MAPK8IP3: variants seen among roughly 807,000 people sequenced by gnomAD.
The protein encoded by MAPK8IP3 is mitogen-activated protein kinase 8 interacting protein 3, also known as C-Jun-amino-terminal kinase-interacting protein 3.
MAPK8IP3 carries 49 observed loss-of-function variants against 157.8 expected under a neutral mutation model. The observed-to-expected ratio is 0.31, with a 90% CI of 0.25 to 0.39. The LOEUF (loss-of-function observed/expected upper bound fraction) is 0.39. MAPK8IP3 is among the 10% of genes least tolerant of loss of function. The pLI is 1.00. For synonymous variants in MAPK8IP3, 897 were observed against 777.7 expected (o/e 1.15, Z -2.55); for missense variants, 1,478 against 1,889.4 (o/e 0.78, Z 4.04).
chr16:1,760,604 C>T, intron 12 of MAPK8IP3, 72 bp downstream of exon 12: 3 of 1,536,272 alleles, frequency 2.0e-6, no homozygotes, highest in Admixed American at 3.8e-5. Flanking sequence ...CTGCCTCCTC[C>T]AGTGCCTGCT....
rs2042254591 is a variant in MAPK8IP3, at chr16:1,766,264, TCCACAGA to T, written c.2675_2681del (p.Ser892TrpfsTer106). 1 of 1,612,160 alleles carries T rather than the reference TCCACAGA, an allele frequency of 6.2e-7. No homozygotes were observed. The highest frequency in any genetic ancestry group is 8.5e-7 in the Non-Finnish European group (1 of 1,179,824). On this transcript the variant is annotated frameshift_variant, in exon 22 of 32. Coordinates refer to ENST00000610761, the MANE Select transcript of MAPK8IP3 (RefSeq NM_001318852.2). LOFTEE classifies it high-confidence loss of function. Reference sequence around the variant, plus strand: ...CAACGGGAAGGTCAACCCGTCCCAGTCCACAGAGGAGGCCACAGAGGCCACGGAGGTG... The same window carrying T: ...CAACGGGAAGGTCAACCCGTCCCAGTGGAGGCCACAGAGGCCACGGAGGTG...
rs138638600 is a variant in MAPK8IP3 at position 1,752,442 on chromosome 16, C to T, written c.1216+3722C>T. The T allele has an allele frequency of 6.9e-4, 235 of 342,374 alleles. 4 individuals are homozygous for T. In the East Asian group the frequency reaches 0.017, roughly 25 times the overall value. The allele number at this position is 342,374 out of a possible 1,614,324, so 21.2% of individuals were successfully genotyped here. ...CCTTTCCAGAGCCTTAAACGTAATG[C>T]GTATAAGAAAGGCAGGGAGGCCAGG... is the stretch of plus-strand genomic sequence containing the variant. On this transcript the variant is annotated intron_variant, in intron 8 of 31. Coordinates refer to ENST00000610761, the MANE Select transcript of MAPK8IP3 (RefSeq NM_001318852.2).
Position 1,767,994 on chromosome 16 carries a change from G to A in MAPK8IP3, c.3524-75G>A. 9 of 1,609,196 alleles carry A rather than the reference G, an allele frequency of 5.6e-6. No individual in the cohort carries two copies. In the African/African-American group the frequency reaches 6.7e-5, roughly 12 times the overall value. On this transcript the variant is annotated intron_variant, in intron 28 of 31. Coordinates refer to ENST00000610761, the MANE Select transcript of MAPK8IP3 (RefSeq NM_001318852.2). ...TGGGTTCACGGGGTGGCTCTGCAGGGCCACCTTGGAGGGTGCCTTGCTGCC... is the reference window on the plus strand; with the variant it reads ...TGGGTTCACGGGGTGGCTCTGCAGGACCACCTTGGAGGGTGCCTTGCTGCC...
intron 1 of MAPK8IP3, among the ~76,000 whole-genome samples, chr16:1,720,768 C>A (rs900642850): frequency 6.6e-6 from 1 of 152,252 alleles, no homozygotes; most frequent in African/African-American, 2.4e-5. Context: ...GGTGCAGCGG[C>A]TCACGCCTGT....
rs770607897 is a variant in MAPK8IP3 at position 1,764,129 on chromosome 16, G to A, written c.2040G>A (p.Gly680=). The part of the protein sequence containing the change: ...PAKYKQLSPN[G]GQEDTRMKNV... ...GCTCCCTGCAGCTGAGTCCCAACGG[G>A]GGCCAGGAGGACACGCGGATGAAGA... Residue 680 remains glycine (G), a synonymous_variant, in exon 18 of 32, where the codon GGG becomes GGA. Transcript: ENST00000610761. 5.0e-6 allele frequency: 8 copies of A among 1,609,984 alleles called. No homozygotes were observed. The highest frequency in any genetic ancestry group is 5.9e-6 in the Non-Finnish European group (7 of 1,178,738).
At chr16:1,755,013 A>G (rs1378991726) in intron 8 of MAPK8IP3, among the ~76,000 whole-genome samples, 1 of 152,194 alleles carries the variant, frequency 6.6e-6, no homozygotes, top group Non-Finnish European at 1.5e-5. Flanking sequence ...CTGGAACTCT[A>G]TGAATGGATC....
At chr16:1,757,937 G>A (rs1469268140) in intron 8 of MAPK8IP3, among the ~76,000 whole-genome samples, 4 of 152,354 alleles carry the variant, frequency 2.6e-5, no homozygotes, top group Non-Finnish European at 4.4e-5. Context: ...GGACCACGGC[G>A]CCTGGGCCTG....
chr16:1,758,668 G>A (rs1307758152), intron 9 of MAPK8IP3, among the ~76,000 whole-genome samples: 1 of 152,242 alleles, frequency 6.6e-6, no homozygotes, highest in Non-Finnish European at 1.5e-5. Flanking sequence ...CCCCACAGGG[G>A]TGCCTTCTGC....
intron 1 of MAPK8IP3, chr16:1,713,853 A>G (rs2037956959): frequency 6.6e-6 from 1 of 152,134 alleles, no homozygotes; most frequent in Non-Finnish European, 1.5e-5. Flanking sequence ...TAAAGAGTAC[A>G]ATTTGATGAG....
chr16:1,730,044 CAAAAAAAAAAAAAAAAAA>C (rs58933347), intron 4 of MAPK8IP3, among the ~76,000 whole-genome samples: 1 of 46,982 alleles, frequency 2.1e-5, no homozygotes, highest in African/African-American at 6.2e-5. Flanking sequence ...CTTGTCTCTA[CAAAAAAAAAAAAAAAAAA>C]AAAAAAAAAA....
intron 4 of MAPK8IP3, among the ~76,000 whole-genome samples, chr16:1,735,805 G>A (rs2039702151): frequency 6.8e-6 from 1 of 146,108 alleles, no homozygotes; most frequent in Non-Finnish European, 1.5e-5. Flanking sequence ...GTGAGCATCT[G>A]TGTGACCATC....
rs758638580 is a variant in MAPK8IP3, at chr16:1,769,345, T to C, written c.*521T>C. On this transcript the variant is annotated 3_prime_UTR_variant, in exon 32 of 32. Transcript: ENST00000610761. ...GTGGGCCTCAGGCTGCCCAGGTGCC[T>C]GCACCCCAGCCGGCCTTCTCTGGGG... 3.8e-5 allele frequency: 6 copies of C among 159,368 alleles called. No homozygotes were observed. Among genetic ancestry groups the C allele is most frequent in the Non-Finnish European group, 5.5e-5 (4 of 72,350 alleles). 9.9% of individuals were successfully genotyped at this position (159,368 alleles called of 1,614,324 possible).
intron 12 of MAPK8IP3, among the ~76,000 whole-genome samples, chr16:1,761,012 A>G (rs904735385): frequency 6.6e-6 from 1 of 152,212 alleles, no homozygotes; most frequent in African/African-American, 2.4e-5. Context: ...CAGAGCACTC[A>G]TGCAGCAGTG....
intron 28 of MAPK8IP3, 46 bp downstream of exon 28, chr16:1,767,964 G>A (rs1344226753): frequency 6.2e-7 from 1 of 1,607,250 alleles, no homozygotes; most frequent in Non-Finnish European, 8.5e-7. Context: ...TGCCAGAGGT[G>A]TACGTGGGTT....
At chr16:1,763,989 C>T in intron 17 of MAPK8IP3, 126 bp from the exon 18 acceptor site, 2 of 1,103,698 alleles carry the variant, frequency 1.8e-6, no homozygotes, top group African/African-American at 3.1e-5. Flanking sequence ...GCTCCCACGC[C>T]CCCACCTGCC....
chr16:1,730,149 T>G (rs1365542787), intron 4 of MAPK8IP3, among the ~76,000 whole-genome samples: 1 of 150,966 alleles, frequency 6.6e-6, no homozygotes, highest in Non-Finnish European at 1.5e-5. Context: ...TAGTCCCAGC[T>G]ACTCAGGAGG....
At chr16:1,746,906 G>A (rs554763184) in intron 5 of MAPK8IP3, 123 bp from the exon 6 acceptor site, 7 of 1,229,242 alleles carry the variant, frequency 5.7e-6, no homozygotes, top group East Asian at 2.6e-5. Context: ...GCTCTGGCCC[G>A]CAGGGTGTCG....
chr16:1,759,045 G>A lies in MAPK8IP3; in HGVS notation c.1246+50G>A, dbSNP rs769446527. ...GTGCGTCGCTCCTCCACCCCGACAT[G>A]GTCTCCTGCTTCATGAGCCGTTTGC... On this transcript the variant is annotated intron_variant, in intron 10 of 31. Coordinates refer to ENST00000610761, the MANE Select transcript of MAPK8IP3 (RefSeq NM_001318852.2). 9 of 1,609,526 alleles carry A rather than the reference G, an allele frequency of 5.6e-6. No individual in the cohort carries two copies. The Admixed American group carries it at 1.5e-4, about 27-fold the overall frequency.
intron 5 of MAPK8IP3, chr16:1,744,850 T>C: frequency 2.1e-6 from 2 of 969,410 alleles, no homozygotes; most frequent in Non-Finnish European, 2.5e-6. Flanking sequence ...TGATTTTTCT[T>C]TATTTTAAAT....
Sources: allele counts gnomAD v4.1 joint callset (sites outside exome capture counted in the v4.1 genomes callset), GRCh38; gene constraint gnomAD v4.1.1; transcripts MANE v1.5; gene names NCBI Gene and HGNC (gene_info 2026-07-23, HGNC 2026-07-21).